LRRC2: variants seen among roughly 807,000 people sequenced by gnomAD.
LRRC2 encodes the protein leucine-rich repeat-containing protein 2.
A neutral mutation model predicts 40.2 loss-of-function variants in LRRC2; 27 were observed. The observed-to-expected ratio is 0.67, with a 90% confidence interval of 0.49 to 0.93. LRRC2 has a LOEUF of 0.93. Among genes scored for constraint, LRRC2 ranks in the 40% least tolerant of loss-of-function variants. The probability of loss-of-function intolerance (pLI) is 0.00; values close to 1 mark genes in which losing one functional copy is unlikely to be tolerated. For synonymous variants in LRRC2, 147 were observed against 158.9 expected (o/e 0.92, Z 0.56); for missense variants, 402 against 439.6 (o/e 0.91, Z 0.76).
intron 2 of LRRC2, among the ~76,000 whole-genome samples, chr3:46,549,341 T>G (rs1409531425): frequency 1.3e-5 from 2 of 152,164 alleles, no homozygotes; most frequent in African/African-American, 4.8e-5. Context: ...GATCACAGTA[T>G]GAATTATATT....
chr3:46,555,995 C>T (rs2107049284), intron 1 of LRRC2, among the ~76,000 whole-genome samples: 1 of 152,300 alleles, frequency 6.6e-6, no homozygotes, highest in South Asian at 2.1e-4. Context: ...TATTAATCAG[C>T]ACCCTTAGAA....
At chr3:46,525,261 CT>C (rs371361778) in intron 7 of LRRC2, among the ~76,000 whole-genome samples, 1 of 40,696 alleles carries the variant, frequency 2.5e-5, no homozygotes, top group Non-Finnish European at 7.1e-5. Context: ...GCCTTTTTTT[CT>C]TTTTTTTAGA....
At chr3:46,545,292 G>C in intron 2 of LRRC2, 39 bp from the exon 3 acceptor site, 4 of 1,585,412 alleles carry the variant, frequency 2.5e-6, no homozygotes, top group Non-Finnish European at 3.5e-6. Flanking sequence ...CTCTCCTGGG[G>C]ACTGGCCATC....
chr3:46,551,259 G>T, intron 2 of LRRC2: 1 of 441,324 alleles, frequency 2.3e-6, no homozygotes, highest in Non-Finnish European at 3.9e-6. Context: ...AGGGTGGTGG[G>T]TAGGTCCTTA....
intron 3 of LRRC2, among the ~76,000 whole-genome samples, chr3:46,543,685 G>T (rs2107021757): frequency 6.6e-6 from 1 of 151,656 alleles, no homozygotes; most frequent in South Asian, 2.1e-4. Context: ...TTTTCAAAAG[G>T]TAGATTGTGA....
Position 46,517,665 on chromosome 3 carries a change from A to G in LRRC2, c.*1349T>C, listed in dbSNP as rs1703890745. ...CAAAGTTATTTGTTTAAGCTTATTT[A>G]TCTTCAACACCATCAGCCACAACCT... On this transcript the variant is annotated 3_prime_UTR_variant, in exon 9 of 9. Transcript: ENST00000395905. 6.6e-6 allele frequency: 1 copy of G among 152,176 alleles called. No individual in the cohort carries two copies. The highest frequency in any genetic ancestry group is 2.4e-5 in the African/African-American group (1 of 41,440). 9.4% of individuals were successfully genotyped at this position (152,176 alleles called of 1,614,324 possible).
chr3:46,536,453 G>A (rs760169626), intron 4 of LRRC2, among the ~76,000 whole-genome samples: 7 of 152,016 alleles, frequency 4.6e-5, no homozygotes, highest in East Asian at 1.9e-4. Context: ...CCCACTTTAC[G>A]GATGAAGAAA....
chr3:46,561,155 A>T lies in LRRC2; in HGVS notation c.-20+5022T>A, dbSNP rs190314122. The stretch of plus-strand genomic sequence containing the variant: ...CAGAGAACCATCCGGAGTAGTTAGC[A>T]TGTTTCATGTCCAGCTGCTGCTTGC... On this transcript the variant is annotated intron_variant, in intron 1 of 8. Coordinates refer to ENST00000395905, the MANE Select transcript of LRRC2 (RefSeq NM_024512.5). 3.0e-4 allele frequency among the ~76,000 whole-genome samples: 46 copies of T among 152,180 alleles called. 1 individual carries two copies. In the South Asian group the frequency reaches 3.5e-3, roughly 12 times the overall value.
chr3:46,541,756 C>A (rs1483765596), intron 3 of LRRC2, among the ~76,000 whole-genome samples: 1 of 152,170 alleles, frequency 6.6e-6, no homozygotes, highest in Non-Finnish European at 1.5e-5. Flanking sequence ...GGACCAGAAC[C>A]TTGACCCCCA....
chr3:46,556,579 T>TC (rs1416215878), intron 1 of LRRC2, among the ~76,000 whole-genome samples: 2 of 143,856 alleles, frequency 1.4e-5, no homozygotes, highest in African/African-American at 2.6e-5. Context: ...ATTATTTCTT[T>TC]TTTTTTTTTT....
chr3:46,563,958 T>C (rs1466407044), intron 1 of LRRC2, among the ~76,000 whole-genome samples: 1 of 152,214 alleles, frequency 6.6e-6, no homozygotes, highest in Non-Finnish European at 1.5e-5. Context: ...ACAGAAACCG[T>C]GTGTACTGAG....
intron 4 of LRRC2, among the ~76,000 whole-genome samples, chr3:46,534,931 C>A (rs1020690813): frequency 3.9e-5 from 6 of 152,170 alleles, no homozygotes; most frequent in African/African-American, 1.4e-4. Context: ...GCATCAGATC[C>A]TGCAGCTGAG....
chr3:46,547,139 C>T (rs1042731435), intron 2 of LRRC2, among the ~76,000 whole-genome samples: 1 of 152,170 alleles, frequency 6.6e-6, no homozygotes, highest in Non-Finnish European at 1.5e-5. Context: ...GCAAATGTCA[C>T]CTTCTTAATC....
rs140324122 is a variant in LRRC2, at chr3:46,538,917, G to C, written c.490+128C>G. 298 of 981,078 alleles carry C rather than the reference G, an allele frequency of 3.0e-4. 1 individual carries two copies. The Middle Eastern group carries it at 4.9e-3, about 16-fold the overall frequency. 60.8% of individuals were successfully genotyped at this position (981,078 alleles called of 1,614,324 possible). On this transcript the variant is annotated intron_variant, in intron 4 of 8. Transcript: ENST00000395905. ...AAGCAGCTCTGGGGAGCCTCCAAAC[G>C]GCCCTGCCCAACCACTTCCTGGGGA...
chr3:46,527,543 T>C lies in LRRC2; in HGVS notation c.812A>G (p.Lys271Arg). ...ELQSFLLYKNKLTYLPYSMLN... is the reference protein window; with the variant it reads ...ELQSFLLYKNRLTYLPYSMLN... ...CATGGAATAGGGAAGGTAGGTCAAC[T>C]TGTTTTTATACAAGAGAAAGCTCTG... The change falls in exon 7 of 9, where the codon AAG becomes AGG. Residue 271 changes from lysine (K) to arginine (R), a missense_variant. Transcript: ENST00000395905. 1 of 1,614,104 alleles carries C rather than the reference T, an allele frequency of 6.2e-7. No individual in the cohort carries two copies. The highest frequency in any genetic ancestry group is 8.5e-7 in the Non-Finnish European group (1 of 1,179,952).
At chr3:46,533,456 C>A (rs1176190657) in intron 4 of LRRC2, among the ~76,000 whole-genome samples, 1 of 152,128 alleles carries the variant, frequency 6.6e-6, no homozygotes, top group African/African-American at 2.4e-5. Flanking sequence ...GGAATTACAC[C>A]TCAATAAGCC....
At chr3:46,534,456 CTTTCTTTCTTTCTTTG>C (rs1435884399) in intron 4 of LRRC2, among the ~76,000 whole-genome samples, 69 of 144,448 alleles carry the variant, frequency 4.8e-4, no homozygotes, top group African/African-American at 1.5e-3. Context: ...TTCTTTCTTT[CTTTCTTTCTTTCTTTG>C]TTTCTTTCTT....
chr3:46,528,658 C>T (rs183614992), intron 6 of LRRC2, among the ~76,000 whole-genome samples: 154 of 152,218 alleles, frequency 1.0e-3, no homozygotes, highest in Middle Eastern at 6.8e-3. Context: ...ATAAAGTTCC[C>T]ATGTTGCAAA....
rs976024782 is a variant in LRRC2, at chr3:46,551,248, A to T, written c.125+219T>A. 4.8e-5 allele frequency: 19 copies of T among 394,520 alleles called. No homozygotes were observed. In the Middle Eastern group the frequency reaches 2.0e-3, roughly 42 times the overall value. The allele number at this position is 394,520 out of a possible 1,614,324, so 24.4% of individuals were successfully genotyped here. On this transcript the variant is annotated intron_variant, in intron 2 of 8. Transcript: ENST00000395905. Reference sequence around the variant, plus strand: ...TCTCGGTCTTCCTCGTGCCTACCACAAGGGTGGTGGGTAGGTCCTTATAAC... The same window carrying T: ...TCTCGGTCTTCCTCGTGCCTACCACTAGGGTGGTGGGTAGGTCCTTATAAC...
Sources: allele counts gnomAD v4.1 joint callset (sites outside exome capture counted in the v4.1 genomes callset), GRCh38; gene constraint gnomAD v4.1.1; transcripts MANE v1.5; gene names NCBI Gene and HGNC (gene_info 2026-07-23, HGNC 2026-07-21).